RFK: variants seen among roughly 807,000 people sequenced by gnomAD.
RFK encodes the protein riboflavin kinase, also known as 0610038L10Rik.
In RFK, 4 loss-of-function variants were observed where a neutral mutation model predicts 17.6. The ratio of observed to expected loss-of-function variants is 0.23; its 90% confidence interval spans 0.11 to 0.52. The LOEUF (loss-of-function observed/expected upper bound fraction) is 0.52, where lower values mean the gene tolerates loss of function less well. RFK is among the 20% of genes least tolerant of loss of function. RFK has a pLI of 0.96. For missense variants in RFK, 189 were observed against 187.7 expected, an observed-to-expected ratio of 1.01 and a Z score of -0.04; for synonymous variants, 59 against 63.8, an observed-to-expected ratio of 0.92 and a Z score of 0.36.
chr9:76,392,370 C>A (rs778195266), intron 2 of RFK, 48 bp downstream of exon 2: 1 of 1,588,484 alleles, frequency 6.3e-7, no homozygotes. Context: ...ATATATTATT[C>A]TAAGTCATCA....
At chr9:76,389,581 G>A (rs1401887504) in intron 2 of RFK, among the ~76,000 whole-genome samples, 1 of 152,068 alleles carries the variant, frequency 6.6e-6, no homozygotes, top group Non-Finnish European at 1.5e-5. Context: ...CCAACATGGT[G>A]GAACCCGGTA....
intron 3 of RFK, 110 bp from the exon 4 acceptor site, chr9:76,387,639 C>G (rs1822756323): frequency 1.6e-5 from 16 of 975,102 alleles, no homozygotes; most frequent in Non-Finnish European, 1.1e-5. Flanking sequence ...TATCTCTGCA[C>G]AGGGTAGATA....
chr9:76,387,585 C>T (rs558123186), intron 3 of RFK, 56 bp from the exon 4 acceptor site: 2 of 1,541,934 alleles, frequency 1.3e-6, no homozygotes, highest in East Asian at 2.3e-5. Flanking sequence ...ATACTTTTTA[C>T]TACTACTCTG....
At chr9:76,392,796 G>C (rs2131555396) in intron 1 of RFK, among the ~76,000 whole-genome samples, 1 of 152,304 alleles carries the variant, frequency 6.6e-6, no homozygotes, top group African/African-American at 2.4e-5. Context: ...AGCTACCAGA[G>C]AGGCTGAGGC....
chr9:76,393,954 G>A, intron 1 of RFK, 136 bp downstream of exon 1: 3 of 750,674 alleles, frequency 4.0e-6, no homozygotes, highest in African/African-American at 1.8e-5. Context: ...ACAGACAAGG[G>A]GATGCGGGAG....
chr9:76,390,838 G>A (rs1414418941), intron 2 of RFK, among the ~76,000 whole-genome samples: 1 of 105,980 alleles, frequency 9.4e-6, no homozygotes, highest in East Asian at 3.0e-4. Flanking sequence ...GTAAGATAAC[G>A]CTTTTTTTTT....
rs1167625805 is a variant in RFK, at chr9:76,387,287, T to C, written c.*112A>G. 1.0e-6 allele frequency: 1 copy of C among 985,860 alleles called. No homozygotes were observed. The highest frequency in any genetic ancestry group is 2.4e-5 in the East Asian group (1 of 41,560). The allele number at this position is 985,860 out of a possible 1,614,324, so 61.1% of individuals were successfully genotyped here. ...ACAACATTGTACGGTTTAAACTAAT[T>C]CACAACTGTAGTAAAGTGTTTGATT... On this transcript the variant is annotated 3_prime_UTR_variant, in exon 4 of 4. Coordinates refer to ENST00000376736, the MANE Select transcript of RFK (RefSeq NM_018339.6).
At chr9:76,389,867 TC>T in intron 2 of RFK, among the ~76,000 whole-genome samples, 1 of 152,322 alleles carries the variant, frequency 6.6e-6, no homozygotes, top group Non-Finnish European at 1.5e-5. Context: ...CCCAAAGTAA[TC>T]TACGAATTCA....
At chr9:76,390,023 C>G (rs1187567884) in intron 2 of RFK, among the ~76,000 whole-genome samples, 1 of 151,878 alleles carries the variant, frequency 6.6e-6, no homozygotes, top group Non-Finnish European at 1.5e-5. Context: ...GTATCAAGAC[C>G]TATGATAAGA....
Position 76,387,173 on chromosome 9 carries a change from T to C in RFK, c.*226A>G. The C allele has an allele frequency of 5.0e-6, 2 of 399,754 alleles. No homozygotes were observed. Among genetic ancestry groups the C allele is most frequent in the Middle Eastern group, 7.3e-4 (1 of 1,376 alleles). The allele number at this position is 399,754 out of a possible 1,614,324, so 24.8% of individuals were successfully genotyped here. A position where few individuals can be genotyped will look rare whatever the true frequency, so the allele number is the denominator to read the frequency against. The stretch of plus-strand genomic sequence containing the variant: ...CTTTCTAGTGGTACATTTTAATCAA[T>C]ATATATTTTTTAAATCTTATTTTTA... On this transcript the variant is annotated 3_prime_UTR_variant, in exon 4 of 4. Transcript: ENST00000376736.
chr9:76,394,031 C>G (rs41288757), intron 1 of RFK, 59 bp downstream of exon 1: 3 of 1,502,562 alleles, frequency 2.0e-6, no homozygotes, highest in Non-Finnish European at 2.7e-6. Context: ...CCCCGGCTGC[C>G]GTCTCTCCCC....
Position 76,394,029 on chromosome 9 carries a change from G to C in RFK, c.82+61C>G, listed in dbSNP as rs904092479. On this transcript the variant is annotated intron_variant, in intron 1 of 3. Transcript: ENST00000376736. ...ACGCCCCGGTCCCAAGTCCCCGGCTGCCGTCTCTCCCCGCTCCCCACGTGA... is the reference window on the plus strand; with the variant it reads ...ACGCCCCGGTCCCAAGTCCCCGGCTCCCGTCTCTCCCCGCTCCCCACGTGA... 7 of 1,493,662 alleles carry C rather than the reference G, an allele frequency of 4.7e-6. No homozygotes were observed. The Admixed American group carries it at 8.1e-5, about 17-fold the overall frequency. 92.5% of individuals were successfully genotyped at this position (1,493,662 alleles called of 1,614,324 possible). A position where few individuals can be genotyped will look rare whatever the true frequency, so the allele number is the denominator to read the frequency against.
intron 2 of RFK, among the ~76,000 whole-genome samples, chr9:76,389,620 G>T (rs146559555): frequency 6.6e-6 from 1 of 152,142 alleles, no homozygotes; most frequent in African/African-American, 2.4e-5. Flanking sequence ...AATTAGCTGG[G>T]CATGGTGGCG....
chr9:76,387,946 AG>A, intron 3 of RFK: 2 of 247,468 alleles, frequency 8.1e-6, no homozygotes, highest in Non-Finnish European at 1.6e-5. Context: ...TTGCGGTGAG[AG>A]GGGGCGTCAC....
At chr9:76,392,323 T>C in intron 2 of RFK, 95 bp downstream of exon 2, 1 of 1,301,072 alleles carries the variant, frequency 7.7e-7, no homozygotes, top group Non-Finnish European at 1.1e-6. Context: ...TACGTTGTGA[T>C]TACCACTGAT....
In RFK at chr9:76,392,374, G is replaced by T. The variant is rs749791514; in HGVS notation, c.234+44C>A. 6 of 1,593,438 alleles carry T rather than the reference G, an allele frequency of 3.8e-6. No homozygotes were observed. In the East Asian group the frequency reaches 1.1e-4, roughly 30 times the overall value. ...CGAATACTGTAATATATTATTCTAA[G>T]TCATCATACCATTTTCGGTTACAGA... On this transcript the variant is annotated intron_variant, in intron 2 of 3. Coordinates refer to ENST00000376736, the MANE Select transcript of RFK (RefSeq NM_018339.6).
At position 76,387,322 on chromosome 9, in the gene RFK, T is replaced by C. The variant is rs1822750217; in HGVS notation, c.*77A>G. ...AGTAAAGTGTTTGATTTTCAGTATA[T>C]AACCAAGATGATGCTGAACAGTAAT... On this transcript the variant is annotated 3_prime_UTR_variant, in exon 4 of 4. Coordinates refer to ENST00000376736, the MANE Select transcript of RFK (RefSeq NM_018339.6). The C allele has an allele frequency of 2.2e-5, 30 of 1,356,730 alleles. No individual in the cohort carries two copies. In the South Asian group the frequency reaches 2.9e-4, roughly 13 times the overall value. 84.0% of individuals were successfully genotyped at this position (1,356,730 alleles called of 1,614,324 possible). A position where few individuals can be genotyped will look rare whatever the true frequency, so the allele number is the denominator to read the frequency against.
chr9:76,386,195 T>C lies in RFK; in HGVS notation c.*1204A>G, dbSNP rs541913899. ...TAATCTTAATTTCCCACATATTAGT[T>C]AGTAGGAGGAAAAATCCACAGTATG... On this transcript the variant is annotated 3_prime_UTR_variant, in exon 4 of 4. Coordinates refer to ENST00000376736, the MANE Select transcript of RFK (RefSeq NM_018339.6). 10 of 152,278 alleles carry C rather than the reference T, an allele frequency of 6.6e-5. No individual in the cohort carries two copies. The East Asian group carries it at 1.9e-3, about 29-fold the overall frequency. The allele number at this position is 152,278 out of a possible 1,614,324, so 9.4% of individuals were successfully genotyped here.
intron 2 of RFK, among the ~76,000 whole-genome samples, chr9:76,390,444 G>A (rs987340150): frequency 1.3e-5 from 2 of 152,096 alleles, no homozygotes; most frequent in Non-Finnish European, 2.9e-5. Context: ...CAGGAGGACT[G>A]CTTGAGCCCA....
Sources: allele counts gnomAD v4.1 joint callset (sites outside exome capture counted in the v4.1 genomes callset), GRCh38; gene constraint gnomAD v4.1.1; transcripts MANE v1.5; gene names NCBI Gene and HGNC (gene_info 2026-07-23, HGNC 2026-07-21).